TSHZ2: variants seen among roughly 807,000 people sequenced by gnomAD.
TSHZ2 encodes the protein teashirt zinc finger homeobox 2.
In TSHZ2, 21 loss-of-function variants were observed where a neutral mutation model predicts 74.4. That is an observed-to-expected ratio of 0.28 (90% CI 0.20 to 0.41). TSHZ2 has a LOEUF of 0.41. Among genes scored for constraint, TSHZ2 ranks in the 10% least tolerant of loss-of-function variants. The pLI is 1.00. For missense variants in TSHZ2, 1,244 were observed against 1,293.5 expected (o/e 0.96, Z 0.59); for synonymous variants, 540 against 515.3 (o/e 1.05, Z -0.65).
chr20:52,995,714 G>A (rs1195782874), intron 1 of TSHZ2, among the ~76,000 whole-genome samples: 2 of 150,332 alleles, frequency 1.3e-5, no homozygotes, highest in African/African-American at 2.4e-5. Context: ...TCAGGTTCAA[G>A]CGATTCTCCT....
intron 2 of TSHZ2, among the ~76,000 whole-genome samples, chr20:53,367,739 T>G (rs1981321191): frequency 6.6e-6 from 1 of 151,730 alleles, no homozygotes; most frequent in Admixed American, 6.6e-5. Context: ...CCTTGCTAAG[T>G]TTTTTGTATT....
intron 2 of TSHZ2, among the ~76,000 whole-genome samples, chr20:53,260,494 T>C (rs1990581212): frequency 1.3e-5 from 2 of 151,942 alleles, no homozygotes; most frequent in African/African-American, 4.8e-5. Context: ...GGCAGACAAA[T>C]AGATGAAAAA....
chr20:53,375,243 G>A (rs1981619790), intron 2 of TSHZ2, among the ~76,000 whole-genome samples: 1 of 152,174 alleles, frequency 6.6e-6, no homozygotes, highest in Non-Finnish European at 1.5e-5. Context: ...GCAAATGATT[G>A]CAGATTGAAA....
At chr20:53,152,412 A>C (rs61600068) in intron 1 of TSHZ2, among the ~76,000 whole-genome samples, 2,822 of 152,144 alleles carry the variant, frequency 0.019, 99 homozygotes, top group African/African-American at 0.065. Flanking sequence ...TCTCAGCCTA[A>C]CCCTGACCTT....
chr20:53,245,019 ACT>A (rs1990168889), intron 1 of TSHZ2, among the ~76,000 whole-genome samples: 1 of 152,194 alleles, frequency 6.6e-6, no homozygotes, highest in Non-Finnish European at 1.5e-5. Context: ...AGAATGCCAG[ACT>A]CAACTGATTT....
chr20:53,201,453 C>T (rs1360624676), intron 1 of TSHZ2, among the ~76,000 whole-genome samples: 1 of 152,196 alleles, frequency 6.6e-6, no homozygotes, highest in Admixed American at 6.5e-5. Flanking sequence ...GCTGTCGTAT[C>T]ACCTTCCCTG....
At chr20:53,111,524 T>C (rs1426829388) in intron 1 of TSHZ2, among the ~76,000 whole-genome samples, 1 of 152,130 alleles carries the variant, frequency 6.6e-6, no homozygotes, top group Non-Finnish European at 1.5e-5. Flanking sequence ...GAATCAGCTC[T>C]TAAATCTCCT....
At chr20:53,297,248 CTTTTTT>C (rs35627909) in intron 2 of TSHZ2, among the ~76,000 whole-genome samples, 4 of 121,140 alleles carry the variant, frequency 3.3e-5, no homozygotes, top group African/African-American at 1.3e-4. Context: ...ATCTCAGAAT[CTTTTTT>C]TTTTTTTTTT....
At chr20:53,415,389 C>G (rs910428564) in intron 2 of TSHZ2, among the ~76,000 whole-genome samples, 2 of 152,130 alleles carry the variant, frequency 1.3e-5, no homozygotes, top group African/African-American at 4.8e-5. Context: ...TCCTATCGCT[C>G]TGCTCTCCAC....
intron 2 of TSHZ2, among the ~76,000 whole-genome samples, chr20:53,307,939 A>G (rs1261648560): frequency 6.6e-6 from 1 of 152,118 alleles, no homozygotes; most frequent in Non-Finnish European, 1.5e-5. Flanking sequence ...GAGAGGATGC[A>G]TTTTTCCAAA....
At chr20:53,344,990 T>C (rs1980381217) in intron 2 of TSHZ2, among the ~76,000 whole-genome samples, 1 of 152,204 alleles carries the variant, frequency 6.6e-6, no homozygotes, top group Admixed American at 6.5e-5. Context: ...CAAGTTTGAG[T>C]GTTTGTGTTA....
rs147016688 is a variant in TSHZ2, at chr20:53,255,288, G to T, written c.1830G>T (p.Ala610=). The T allele has an allele frequency of 1.8e-4, 291 of 1,614,062 alleles. No homozygotes were observed. Among genetic ancestry groups the T allele is most frequent in the Non-Finnish European group, 2.5e-4 (290 of 1,180,032 alleles). ...VKKESEDKDE[A]VKECGKESPH... ...AAGAGTCAGAAGACAAAGATGAAGC[G>T]GTGAAGGAGTGTGGGAAAGAAAGTC... The change falls in exon 2 of 3, where the codon GCG becomes GCT. Residue 610 remains alanine, a synonymous_variant. Transcript: ENST00000371497. The surrounding 1 kb of genome is among the most constrained non-coding windows in gnomAD (Gnocchi z 4.1).
intron 1 of TSHZ2, among the ~76,000 whole-genome samples, chr20:53,248,088 T>G (rs1334771487): frequency 6.6e-6 from 1 of 152,212 alleles, no homozygotes; most frequent in Admixed American, 6.5e-5. Context: ...GTTGTTTTTT[T>G]GGGACAGGGT....
At chr20:53,325,553 G>T (rs1266599084) in intron 2 of TSHZ2, among the ~76,000 whole-genome samples, 1 of 152,126 alleles carries the variant, frequency 6.6e-6, no homozygotes, top group East Asian at 1.9e-4. Flanking sequence ...TCAGTGATGG[G>T]CCAGGAGTGT....
chr20:53,070,435 C>T (rs1328287131), intron 1 of TSHZ2, among the ~76,000 whole-genome samples: 1 of 152,158 alleles, frequency 6.6e-6, no homozygotes, highest in African/African-American at 2.4e-5. Context: ...TTTACCTGCG[C>T]TTTCGAAATT....
rs773016204 is a variant in TSHZ2 at position 53,388,593 on chromosome 20, C to CT, written c.*9-98536dup. 7.7e-3 allele frequency among the ~76,000 whole-genome samples: 1,101 copies of CT among 142,344 alleles called. 11 individuals carry two copies. Among genetic ancestry groups the CT allele is most frequent in the Middle Eastern group, 0.033 (9 of 272 alleles). 93.4% of individuals were successfully genotyped at this position (142,344 alleles called of 152,430 possible). A position where few individuals can be genotyped will look rare whatever the true frequency, so the allele number is the denominator to read the frequency against. On this transcript the variant is annotated intron_variant, in intron 2 of 2. Transcript: ENST00000371497. ...TCTTCTACTTTTCTTTTTTTTCTTT[C>CT]TTTTTTTTTTTTTTTCTTGAGATGG...
chr20:53,458,087 G>A (rs1269151574), intron 2 of TSHZ2, among the ~76,000 whole-genome samples: 3 of 152,050 alleles, frequency 2.0e-5, no homozygotes, highest in Non-Finnish European at 4.4e-5. Flanking sequence ...ATGAGTTAGG[G>A]AGGATTCCCT....
chr20:53,267,207 G>A (rs897274682), intron 2 of TSHZ2, among the ~76,000 whole-genome samples: 6 of 152,188 alleles, frequency 3.9e-5, no homozygotes, highest in African/African-American at 7.2e-5. Context: ...GATAGGCCTC[G>A]AGGGAAGATG....
chr20:53,303,960 C>T (rs185612805), intron 2 of TSHZ2, among the ~76,000 whole-genome samples: 4 of 152,214 alleles, frequency 2.6e-5, no homozygotes, highest in African/African-American at 9.6e-5. Context: ...AGAGTTAACC[C>T]AAGGTGGACC....
Sources: gnomAD v4.1 joint callset for allele counts (sites outside exome capture counted in the v4.1 genomes callset) on GRCh38, gnomAD v4.1.1 for gene constraint, Gnocchi (gnomAD v3.1) non-coding constraint, MANE v1.5 for transcripts, NCBI Gene and HGNC (gene_info 2026-07-23, HGNC 2026-07-21) for gene names.